SLC5A3: variants seen among roughly 807,000 people sequenced by gnomAD.
SLC5A3 encodes solute carrier family 5 member 3.
SLC5A3 carries 10 observed loss-of-function variants against 43.2 expected under a neutral mutation model. That is an observed-to-expected ratio of 0.23 (90% CI 0.14 to 0.39). The LOEUF is 0.39. SLC5A3 is among the 10% of genes least tolerant of loss of function. SLC5A3 has a pLI of 1.00. For synonymous variants in SLC5A3, 349 were observed against 322.0 expected (o/e 1.08, Z -0.90); for missense variants, 608 against 893.4 (o/e 0.68, Z 4.07).
rs1036993179 is a variant in SLC5A3 at position 34,096,921 on chromosome 21, T to C, written c.1723T>C (p.Cys575Arg). Residue 575 changes from cysteine (C) to arginine (R), a missense_variant, in exon 2 of 2, where the codon TGC becomes CGC. Physicochemically the swap from Cys to Arg is radical, Grantham distance 180. This residue lies in a region of SLC5A3 where 210 missense variants were observed against 224.8 expected (regional missense o/e 0.93). Coordinates refer to ENST00000381151, the MANE Select transcript of SLC5A3 (RefSeq NM_006933.7). This position sits in a 1 kb window ranked among gnomAD's most constrained non-coding sequence, Gnocchi z 5.9. ...AATGCAAGAAAAGAGCATTCTGAGA[T>C]GCAGTGAGAATAATGAGACCATCAA... ...YKMQEKSILR[C>R]SENNETINHI... 1.9e-6 allele frequency: 3 copies of C among 1,613,934 alleles called. No homozygotes were observed. The African/African-American group carries it at 4.0e-5, about 22-fold the overall frequency.
rs1245870285 is a variant in SLC5A3, at chr21:34,096,561, T to C, written c.1363T>C (p.Leu455=). The change falls in exon 2 of 2, where the codon TTG becomes CTG. Residue 455 remains leucine, a synonymous_variant. Transcript: ENST00000381151. The surrounding 1 kb of genome is among the most constrained non-coding windows in gnomAD (Gnocchi z 5.9). ...TTACCTGACACCCCCAGTGGCAGCC[T>C]TGTTCCTGCTGGCAATTTTCTGGAA... ...ADYLTPPVAA[L]FLLAIFWKRC... is the part of the protein sequence containing the mutation. 2 of 1,614,126 alleles carry C rather than the reference T, an allele frequency of 1.2e-6. No individual in the cohort carries two copies. Among genetic ancestry groups the C allele is most frequent in the South Asian group, 1.1e-5 (1 of 91,078 alleles).
intron 1 of SLC5A3, among the ~76,000 whole-genome samples, chr21:34,077,577 A>G (rs1174142273): frequency 6.6e-6 from 1 of 152,186 alleles, no homozygotes; most frequent in Non-Finnish European, 1.5e-5. Flanking sequence ...GCATTTATAT[A>G]TATATATCTT....
intron 1 of SLC5A3, among the ~76,000 whole-genome samples, chr21:34,081,568 A>T (rs1268949365): frequency 3.3e-5 from 5 of 152,186 alleles, no homozygotes; most frequent in Non-Finnish European, 5.9e-5. Context: ...GGGAGACTAG[A>T]AGGAGCTTTA....
intron 1 of SLC5A3, among the ~76,000 whole-genome samples, chr21:34,084,195 A>G (rs528661129): frequency 2.6e-4 from 39 of 152,346 alleles, no homozygotes; most frequent in African/African-American, 8.4e-4. Context: ...CCAACTGAAA[A>G]GTATCTTTCA....
chr21:34,098,578 A>G lies in SLC5A3; in HGVS notation c.*1223A>G. ...ACTGGCCGTCGGTAACAGAAAACTC[A>G]GTGCATACTTTGCTGTTGTTAGGTT... is the stretch of plus-strand genomic sequence containing the variant. On this transcript the variant is annotated 3_prime_UTR_variant, in exon 2 of 2. Transcript: ENST00000381151. 1.0e-6 allele frequency: 1 copy of G among 1,000,274 alleles called. No homozygotes were observed. The highest frequency in any genetic ancestry group is 1.7e-5 in the African/African-American group (1 of 57,380). The allele number at this position is 1,000,274 out of a possible 1,614,324, so 62.0% of individuals were successfully genotyped here. A position where few individuals can be genotyped will look rare whatever the true frequency, so the allele number is the denominator to read the frequency against.
intron 1 of SLC5A3, among the ~76,000 whole-genome samples, chr21:34,074,350 TTC>T (rs902786977): frequency 2.0e-5 from 3 of 152,250 alleles, no homozygotes; most frequent in Non-Finnish European, 2.9e-5. Context: ...CTTTTGACTT[TTC>T]TTTTTCTGAC....
Position 34,095,755 on chromosome 21 carries a change from C to T in SLC5A3, c.557C>T (p.Thr186Ile), listed in dbSNP as rs780763091. Reference protein sequence around the residue: ...GGLVAVIYTDTLQALLMIIGA... With the variant: ...GGLVAVIYTDILQALLMIIGA... The stretch of plus-strand genomic sequence containing the variant: ...CTTGTTGCAGTGATCTACACAGACA[C>T]TCTGCAGGCTCTGCTCATGATCATT... The change falls in exon 2 of 2, where the codon ACT becomes ATT. Residue 186 changes from threonine to isoleucine, a missense_variant. Thr to Ile is a moderately conservative substitution (Grantham distance 89). Coordinates refer to ENST00000381151, the MANE Select transcript of SLC5A3 (RefSeq NM_006933.7). 2 of 1,614,092 alleles carry T rather than the reference C, an allele frequency of 1.2e-6. No individual in the cohort carries two copies. The highest frequency in any genetic ancestry group is 1.7e-6 in the Non-Finnish European group (2 of 1,180,002).
intron 1 of SLC5A3, among the ~76,000 whole-genome samples, chr21:34,074,216 C>T (rs1385322051): frequency 2.0e-5 from 3 of 150,800 alleles, no homozygotes; most frequent in East Asian, 3.9e-4. Flanking sequence ...CCGCCGACCG[C>T]CTCCGCTCTA....
chr21:34,080,831 T>C (rs924273315), intron 1 of SLC5A3, among the ~76,000 whole-genome samples: 5 of 152,248 alleles, frequency 3.3e-5, no homozygotes, highest in East Asian at 3.8e-4. Context: ...AAAACAGTTA[T>C]TTGCTATGAT....
intron 1 of SLC5A3, among the ~76,000 whole-genome samples, chr21:34,082,707 A>G (rs922337236): frequency 7.9e-5 from 12 of 152,198 alleles, no homozygotes; most frequent in Admixed American, 3.3e-4. Context: ...ATAGAAGCCA[A>G]GTTATTACCT....
rs1441594598 is a variant in SLC5A3 at position 34,097,503 on chromosome 21, C to T, written c.*148C>T. On this transcript the variant is annotated 3_prime_UTR_variant, in exon 2 of 2. Coordinates refer to ENST00000381151, the MANE Select transcript of SLC5A3 (RefSeq NM_006933.7). ...AGCAGAAAATCATCTAATTACAAGACTTTATTTTCCCAGAGATGGATTAAA... is the reference window on the plus strand; with the variant it reads ...AGCAGAAAATCATCTAATTACAAGATTTTATTTTCCCAGAGATGGATTAAA... 3 of 1,411,544 alleles carry T rather than the reference C, an allele frequency of 2.1e-6. No homozygotes were observed. 87.4% of individuals were successfully genotyped at this position (1,411,544 alleles called of 1,614,324 possible). A position where few individuals can be genotyped will look rare whatever the true frequency, so the allele number is the denominator to read the frequency against.
Position 34,095,685 on chromosome 21 carries a change from A to G in SLC5A3, c.487A>G (p.Ile163Val). Residue 163 changes from isoleucine to valine, a missense_variant, in exon 2 of 2, where the codon ATC (isoleucine) becomes GTC (valine). Around this residue, in one of 2 missense-constraint regions of SLC5A3, gnomAD observed 398 missense variants for 668.6 expected, o/e 0.60. Coordinates refer to ENST00000381151, the MANE Select transcript of SLC5A3 (RefSeq NM_006933.7). ...GGGTTGGAATCTTTATGTGTCTGTCATCCTGCTCATTGGCATGACTGCTTT... is the reference window on the plus strand; with the variant it reads ...GGGTTGGAATCTTTATGTGTCTGTCGTCCTGCTCATTGGCATGACTGCTTT... Reference protein sequence around the residue: ...SLGWNLYVSVILLIGMTALLT... With the variant: ...SLGWNLYVSVVLLIGMTALLT... 1.2e-6 allele frequency: 2 copies of G among 1,613,556 alleles called. No homozygotes were observed. Among genetic ancestry groups the G allele is most frequent in the Non-Finnish European group, 1.7e-6 (2 of 1,179,894 alleles).
rs1395864642 is a variant in SLC5A3, at chr21:34,100,427, A to G, written c.*3072A>G. 28 of 1,000,124 alleles carry G rather than the reference A, an allele frequency of 2.8e-5. No individual in the cohort carries two copies. Among genetic ancestry groups the G allele is most frequent in the Non-Finnish European group, 3.1e-5 (26 of 829,984 alleles). 62.0% of individuals were successfully genotyped at this position (1,000,124 alleles called of 1,614,324 possible). Reference sequence around the variant, plus strand: ...TCCCCAGCTATTCTTTCCTGGGGGTAATTATGCTTTGTCTTTAGATTAGAG... The same window carrying G: ...TCCCCAGCTATTCTTTCCTGGGGGTGATTATGCTTTGTCTTTAGATTAGAG... On this transcript the variant is annotated 3_prime_UTR_variant, in exon 2 of 2. Coordinates refer to ENST00000381151, the MANE Select transcript of SLC5A3 (RefSeq NM_006933.7).
intron 1 of SLC5A3, 86 bp downstream of exon 1, chr21:34,073,831 G>C: frequency 9.5e-7 from 1 of 1,056,334 alleles, no homozygotes; most frequent in South Asian, 1.7e-5. Flanking sequence ...CCCTGGCCGC[G>C]GGACCCCGGG....
At chr21:34,075,331 T>G (rs1989301714) in intron 1 of SLC5A3, among the ~76,000 whole-genome samples, 1 of 152,230 alleles carries the variant, frequency 6.6e-6, no homozygotes, top group South Asian at 2.1e-4. Flanking sequence ...AGACTTGCCC[T>G]CCCCTTTGTT....
chr21:34,099,893 C>T lies in SLC5A3; in HGVS notation c.*2538C>T, dbSNP rs925652667. ...GCTTCCCAGTAATAGATAATGTGCT[C>T]GAGTAAGTTTGTGAATTGCTGATTG... is the stretch of plus-strand genomic sequence containing the variant. On this transcript the variant is annotated 3_prime_UTR_variant, in exon 2 of 2. Transcript: ENST00000381151. The T allele has an allele frequency of 2.0e-5, 7 of 358,332 alleles. No homozygotes were observed. The highest frequency in any genetic ancestry group is 1.3e-4 in the African/African-American group (6 of 44,844). The allele number at this position is 358,332 out of a possible 1,614,324, so 22.2% of individuals were successfully genotyped here. A position where few individuals can be genotyped will look rare whatever the true frequency, so the allele number is the denominator to read the frequency against.
rs1342730315 is a variant in SLC5A3, at chr21:34,073,593, G to T, written c.-489G>T. ...CTCGGACCGTGCTTTCGCCGCCTGG[G>T]AGCCGTCCGGCGCAGCAGTTTCTAG... On this transcript the variant is annotated 5_prime_UTR_variant, in exon 1 of 2. Coordinates refer to ENST00000381151, the MANE Select transcript of SLC5A3 (RefSeq NM_006933.7). 4 of 978,652 alleles carry T rather than the reference G, an allele frequency of 4.1e-6. No individual in the cohort carries two copies. In the African/African-American group the frequency reaches 7.0e-5, roughly 17 times the overall value. The allele number at this position is 978,652 out of a possible 1,614,324, so 60.6% of individuals were successfully genotyped here. A position where few individuals can be genotyped will look rare whatever the true frequency, so the allele number is the denominator to read the frequency against.
rs188205227 is a variant in SLC5A3 at position 34,084,801 on chromosome 21, T to G, written c.-336-10062T>G. On this transcript the variant is annotated intron_variant, in intron 1 of 1. Transcript: ENST00000381151. ...ACCTCTGTTTTCTTTATCTTAAAATTTTTTTCATTAATTTCCCTTGGCTAA... is the reference window on the plus strand; with the variant it reads ...ACCTCTGTTTTCTTTATCTTAAAATGTTTTTCATTAATTTCCCTTGGCTAA... 4.0e-3 allele frequency among the ~76,000 whole-genome samples: 612 copies of G among 152,320 alleles called. 2 individuals carry two copies. The highest frequency in any genetic ancestry group is 0.014 in the African/African-American group (590 of 41,560).
At position 34,098,645 on chromosome 21, in the gene SLC5A3, G is replaced by A. The variant is rs1022299907; in HGVS notation, c.*1290G>A. 1.0e-5 allele frequency: 10 copies of A among 1,000,162 alleles called. No individual in the cohort carries two copies. The highest frequency in any genetic ancestry group is 1.1e-5 in the Non-Finnish European group (9 of 830,008). The allele number at this position is 1,000,162 out of a possible 1,614,324, so 62.0% of individuals were successfully genotyped here. On this transcript the variant is annotated 3_prime_UTR_variant, in exon 2 of 2. Transcript: ENST00000381151. The stretch of plus-strand genomic sequence containing the variant: ...TGTAGGATGGATAGCATGTTTGAGA[G>A]GTGCCAAACAAGAACTTTTGGGGTT...
Sources: allele counts gnomAD v4.1 joint callset (sites outside exome capture counted in the v4.1 genomes callset), GRCh38; gene constraint gnomAD v4.1.1; regional missense constraint gnomAD v4.1.1; non-coding constraint Gnocchi (gnomAD v3.1); transcripts MANE v1.5; gene names NCBI Gene and HGNC (gene_info 2026-07-23, HGNC 2026-07-21).